The following ADAMTSL1 variants were observed in gnomAD, a reference collection of about 807,000 sequenced individuals.
ADAMTSL1 encodes ADAMTS-like protein 1.
In ADAMTSL1, 126 loss-of-function variants were observed where a neutral mutation model predicts 201.8. The observed-to-expected ratio is 0.62, with a 90% CI of 0.54 to 0.72. ADAMTSL1 has a LOEUF of 0.72. Among genes scored for constraint, ADAMTSL1 ranks in the 30% least tolerant of loss-of-function variants. ADAMTSL1 has a pLI of 0.00. For missense variants in ADAMTSL1, 2,679 were observed against 2,277.8 expected (o/e 1.18, Z -3.59); for synonymous variants, 1,121 against 903.4 (o/e 1.24, Z -4.32).
At chr9:18,020,358 T>G (rs1180242288) in intron 1 of ADAMTSL1, among the ~76,000 whole-genome samples, 1 of 152,060 alleles carries the variant, frequency 6.6e-6, no homozygotes, top group East Asian at 1.9e-4. Flanking sequence ...TGAAAAAGAT[T>G]GTGGCTTTTA....
chr9:18,764,082 G>A (rs1255786198), intron 16 of ADAMTSL1, among the ~76,000 whole-genome samples: 2 of 152,114 alleles, frequency 1.3e-5, no homozygotes, highest in African/African-American at 4.8e-5. Context: ...AGATTGCTTT[G>A]GGTAGTAAGG....
At chr9:17,952,865 C>T (rs1827782627) in intron 1 of ADAMTSL1, among the ~76,000 whole-genome samples, 1 of 151,896 alleles carries the variant, frequency 6.6e-6, no homozygotes, top group Non-Finnish European at 1.5e-5. Flanking sequence ...AATCTGTACG[C>T]TATGAGATAA....
rs749809229 is a variant in ADAMTSL1, at chr9:18,706,790, G to A, written c.1618G>A (p.Val540Met). ...AWSACTVTCG[V>M]GTQVRIVRCQ... ...GTCGGCCTGCACAGTCACCTGTGGT[G>A]TGGGGACCCAGGTGCGAATAGTCAG... The change falls in exon 14 of 29, where the codon GTG becomes ATG. Residue 540 changes from valine (V) to methionine (M), a missense_variant. Val to Met is a conservative substitution (Grantham distance 21, BLOSUM62 1). Transcript: ENST00000380548. 5.6e-6 allele frequency: 9 copies of A among 1,608,746 alleles called. No homozygotes were observed. Among genetic ancestry groups the A allele is most frequent in the South Asian group, 5.6e-5 (5 of 90,032 alleles).
chr9:18,388,722 TTTG>T (rs138315941), intron 2 of ADAMTSL1, among the ~76,000 whole-genome samples: 11,656 of 151,806 alleles, frequency 0.077, 683 homozygotes, highest in African/African-American at 0.17. Context: ...ATTTCGATTT[TTTG>T]TTGTTGTTGT....
At chr9:18,517,379 A>C (rs1279713318) in intron 2 of ADAMTSL1, among the ~76,000 whole-genome samples, 1 of 151,888 alleles carries the variant, frequency 6.6e-6, no homozygotes, top group African/African-American at 2.4e-5. Flanking sequence ...TAGCTATTTA[A>C]TTTCATTTTA....
chr9:17,936,528 T>C (rs755021755), intron 1 of ADAMTSL1, among the ~76,000 whole-genome samples: 1 of 152,200 alleles, frequency 6.6e-6, no homozygotes. Flanking sequence ...GTTGAACCAG[T>C]TGATCTCTGA....
chr9:18,203,554 C>G (rs554524573), intron 2 of ADAMTSL1, among the ~76,000 whole-genome samples: 3 of 151,210 alleles, frequency 2.0e-5, no homozygotes, highest in Non-Finnish European at 4.4e-5. Context: ...TCCTGAAACA[C>G]AAGGTCCTAG....
intron 1 of ADAMTSL1, among the ~76,000 whole-genome samples, chr9:17,995,974 G>A (rs1047891236): frequency 2.6e-5 from 4 of 151,898 alleles, no homozygotes; most frequent in East Asian, 1.9e-4. Context: ...GAGGACTAAC[G>A]TAATCTAAGC....
chr9:18,643,519 C>G (rs1827580826), intron 7 of ADAMTSL1, among the ~76,000 whole-genome samples: 1 of 151,964 alleles, frequency 6.6e-6, no homozygotes, highest in Admixed American at 6.6e-5. Flanking sequence ...CCTATGTTTT[C>G]TTCTAGTAAT....
rs1462644517 is a variant in ADAMTSL1, at chr9:18,391,828, T to TC, written c.208-113001_208-113000insC. Among the ~76,000 whole-genome samples the TC allele has an allele frequency of 3.5e-5, 5 of 142,724 alleles. No homozygotes were observed. In the East Asian group the frequency reaches 1.0e-3, roughly 29 times the overall value. The allele number at this position is 142,724 out of a possible 152,430, so 93.6% of individuals were successfully genotyped here. A position where few individuals can be genotyped will look rare whatever the true frequency, so the allele number is the denominator to read the frequency against. On this transcript the variant is annotated intron_variant, in intron 2 of 29. Transcript: ENST00000680146. ...CTTTTTTTCTTTCTTTTCTTTCTTTTTTTTTTTTTTTTTTGAGATGGAGCC... is the reference window on the plus strand; with the variant it reads ...CTTTTTTTCTTTCTTTTCTTTCTTTTCTTTTTTTTTTTTTTGAGATGGAGCC...
Position 18,908,906 on chromosome 9 carries a change from G to C in ADAMTSL1, c.*358G>C, listed in dbSNP as rs1255070930. The C allele has an allele frequency of 5.0e-6, 1 of 199,588 alleles. No individual in the cohort carries two copies. The highest frequency in any genetic ancestry group is 1.0e-5 in the Non-Finnish European group (1 of 97,766). The allele number at this position is 199,588 out of a possible 1,614,324, so 12.4% of individuals were successfully genotyped here. ...CCTGCGGACAGCAGGGAGCCAGAAG[G>C]TTTGTAGCCTATTGGTGCAAACATT... On this transcript the variant is annotated 3_prime_UTR_variant, in exon 29 of 29. Transcript: ENST00000380548.
chr9:18,859,177 A>T (rs1399948675), intron 23 of ADAMTSL1, among the ~76,000 whole-genome samples: 1 of 152,224 alleles, frequency 6.6e-6, no homozygotes, highest in Non-Finnish European at 1.5e-5. Flanking sequence ...TCAGAAGTCC[A>T]AAACAGATCT....
intron 20 of ADAMTSL1, among the ~76,000 whole-genome samples, chr9:18,814,149 A>G (rs1383522136): frequency 6.6e-6 from 1 of 152,196 alleles, no homozygotes; most frequent in African/African-American, 2.4e-5. Context: ...TGTTGAGCAT[A>G]TAGTTTTTGT....
intron 1 of ADAMTSL1, among the ~76,000 whole-genome samples, chr9:17,939,514 G>A (rs576281942): frequency 6.6e-5 from 10 of 152,034 alleles, no homozygotes; most frequent in South Asian, 4.2e-4. Flanking sequence ...AAAAAATAAT[G>A]TATACTTGGT....
chr9:18,354,602 G>T (rs1836125339), intron 2 of ADAMTSL1, among the ~76,000 whole-genome samples: 1 of 152,178 alleles, frequency 6.6e-6, no homozygotes, highest in African/African-American at 2.4e-5. Flanking sequence ...TGATGCCAGT[G>T]CAGACAGTAG....
At chr9:18,064,009 A>G (rs1030028552) in intron 1 of ADAMTSL1, among the ~76,000 whole-genome samples, 2 of 152,052 alleles carry the variant, frequency 1.3e-5, no homozygotes, top group Non-Finnish European at 2.9e-5. Context: ...TCATGGCACC[A>G]TGCATATTTT....
At chr9:18,065,863 C>A (rs1822669877) in intron 1 of ADAMTSL1, among the ~76,000 whole-genome samples, 1 of 151,762 alleles carries the variant, frequency 6.6e-6, no homozygotes, top group African/African-American at 2.4e-5. Context: ...TGCCTGTAAT[C>A]CCAGCTATTC....
At chr9:17,995,293 T>TG (rs1465045259) in intron 1 of ADAMTSL1, among the ~76,000 whole-genome samples, 1 of 152,020 alleles carries the variant, frequency 6.6e-6, no homozygotes, top group Non-Finnish European at 1.5e-5. Flanking sequence ...AATCAAGGCG[T>TG]GGGGAATCAT....
chr9:18,283,170 T>C (rs1587464466), intron 2 of ADAMTSL1, among the ~76,000 whole-genome samples: 1 of 152,350 alleles, frequency 6.6e-6, no homozygotes, highest in East Asian at 1.9e-4. Flanking sequence ...TGGTATATCT[T>C]TGATCCTTTA....
Sources: allele counts gnomAD v4.1 joint callset (sites outside exome capture counted in the v4.1 genomes callset), GRCh38; gene constraint gnomAD v4.1.1; transcripts MANE v1.5; gene names NCBI Gene and HGNC (gene_info 2026-07-23, HGNC 2026-07-21).